The following BRWD1 variants were observed in gnomAD, a reference collection of about 807,000 sequenced individuals.
The protein encoded by BRWD1 is bromodomain and WD repeat-containing protein 1.
BRWD1 carries 82 observed loss-of-function variants against 251.2 expected under a neutral mutation model. The observed-to-expected ratio is 0.33, with a 90% CI of 0.27 to 0.39. The LOEUF is 0.39. Ranked by LOEUF, BRWD1 falls within the 10% of genes least tolerant of loss-of-function variation. The pLI, the probability that BRWD1 is intolerant of heterozygous loss-of-function variation, is 1.00. For synonymous variants in BRWD1, 918 were observed against 902.8 expected, an observed-to-expected ratio of 1.02 and a Z score of -0.30; for missense variants, 2,233 against 2,711.6, an observed-to-expected ratio of 0.82 and a Z score of 3.92.
intron 38 of BRWD1, 42 bp from the exon 39 acceptor site, chr21:39,200,428 T>C (rs777762729): frequency 1.3e-6 from 2 of 1,542,344 alleles, no homozygotes; most frequent in African/African-American, 2.7e-5. Context: ...TATTCTCCTG[T>C]CTTTACACAC....
chr21:39,291,310 A>AC (rs1402950962), intron 8 of BRWD1, among the ~76,000 whole-genome samples: 1 of 152,244 alleles, frequency 6.6e-6, no homozygotes, highest in Non-Finnish European at 1.5e-5. Context: ...ACCAGTTTTC[A>AC]CCAAATTCTA....
intron 4 of BRWD1, among the ~76,000 whole-genome samples, chr21:39,310,246 T>G (rs2036435878): frequency 6.6e-6 from 1 of 152,240 alleles, no homozygotes; most frequent in South Asian, 2.1e-4. Context: ...CCAGGCGCAG[T>G]GGCTCACGCC....
intron 39 of BRWD1, 128 bp from the exon 40 acceptor site, chr21:39,199,790 G>C: frequency 1.0e-6 from 1 of 992,686 alleles, no homozygotes; most frequent in South Asian, 1.8e-5. Flanking sequence ...CGCTCTTGTT[G>C]CCCAGGCTGG....
chr21:39,318,036 C>T (rs1016410954), upstream of BRWD1, among the ~76,000 whole-genome samples: 2 of 152,010 alleles, frequency 1.3e-5, no homozygotes, highest in Non-Finnish European at 2.9e-5. Flanking sequence ...GGCAACAGAG[C>T]GAGACCCTGT....
At position 39,229,862 on chromosome 21, in the gene BRWD1, T is replaced by C. The variant is rs577126633; in HGVS notation, c.3001-426A>G. ...AATCCTCCCACATCAGCTTCCCGAGTACCTGGGACTGACTACAGGTACAAC... is the reference window on the plus strand; with the variant it reads ...AATCCTCCCACATCAGCTTCCCGAGCACCTGGGACTGACTACAGGTACAAC... On this transcript the variant is annotated intron_variant, in intron 25 of 40. Coordinates refer to ENST00000342449, the MANE Select transcript of BRWD1 (RefSeq NM_033656.4). Among the ~76,000 whole-genome samples the C allele has an allele frequency of 9.9e-5, 15 of 152,202 alleles. No individual in the cohort carries two copies. In the South Asian group the frequency reaches 3.1e-3, roughly 32 times the overall value.
chr21:39,218,236 C>T lies in BRWD1; in HGVS notation c.3575G>A (p.Cys1192Tyr). ...AAAFAGPVDL[C>Y]TYPKYCTVVA... is the part of the protein sequence containing the mutation. ...TACAGTACAGTACTTCGGGTATGTA[C>T]ACAAATCAACAGGGCCTGCAAAAGC... The change falls in exon 31 of 41, where the codon TGT (cysteine) becomes TAT (tyrosine). Residue 1192 changes from cysteine to tyrosine, a missense_variant. By Grantham distance (194) the Cys-to-Tyr change is radical. Coordinates refer to ENST00000342449, the MANE Select transcript of BRWD1 (RefSeq NM_033656.4). 1 of 1,611,290 alleles carries T rather than the reference C, an allele frequency of 6.2e-7. No individual in the cohort carries two copies. The highest frequency in any genetic ancestry group is 8.5e-7 in the Non-Finnish European group (1 of 1,179,372).
chr21:39,261,004 C>G (rs974353694), intron 17 of BRWD1, among the ~76,000 whole-genome samples: 1 of 152,110 alleles, frequency 6.6e-6, no homozygotes, highest in Non-Finnish European at 1.5e-5. Context: ...GTGGGCGGAT[C>G]ACCTGAGGTC....
intron 21 of BRWD1, among the ~76,000 whole-genome samples, chr21:39,239,757 T>C: frequency 6.6e-6 from 1 of 152,188 alleles, no homozygotes; most frequent in Non-Finnish European, 1.5e-5. Context: ...AAAGAATTTT[T>C]TAACAAGGGT....
At position 39,218,286 on chromosome 21, in the gene BRWD1, C is replaced by G; in HGVS notation, c.3539-14G>C. ...CTGCTGCTATATCTGTTAGGGAAGA[C>G]AGGAGAGTTTTTAATCAATAAATCC... On this transcript the variant is annotated splice_polypyrimidine_tract_variant and intron_variant, in intron 30 of 40. Coordinates refer to ENST00000342449, the MANE Select transcript of BRWD1 (RefSeq NM_033656.4). The G allele has an allele frequency of 6.3e-7, 1 of 1,591,022 alleles. No individual in the cohort carries two copies. The highest frequency in any genetic ancestry group is 8.5e-7 in the Non-Finnish European group (1 of 1,173,702).
At chr21:39,215,106 G>C in intron 32 of BRWD1, 131 bp downstream of exon 32, 1 of 811,654 alleles carries the variant, frequency 1.2e-6, no homozygotes. Flanking sequence ...CTGACCGCAA[G>C]TGATCTGACG....
chr21:39,274,332 C>G (rs756664675), intron 13 of BRWD1, 42 bp downstream of exon 13: 2 of 1,433,014 alleles, frequency 1.4e-6, no homozygotes, highest in East Asian at 2.3e-5. Flanking sequence ...AGAGACAGAT[C>G]GAACACCTAT....
rs533275268 is a variant in BRWD1 at position 39,281,879 on chromosome 21, A to T, written c.832-1631T>A. ...CAAGACTCCTTCACCTACCAAAAAA[A>T]ATATATATATATATGTATGTATGTA... On this transcript the variant is annotated intron_variant, in intron 8 of 40. Transcript: ENST00000342449. Among the ~76,000 whole-genome samples the T allele has an allele frequency of 1.7e-3, 143 of 83,216 alleles. No homozygotes were observed. In the East Asian group the frequency reaches 0.019, roughly 11 times the overall value. 54.6% of individuals were successfully genotyped at this position (83,216 alleles called of 152,430 possible). A position where few individuals can be genotyped will look rare whatever the true frequency, so the allele number is the denominator to read the frequency against.
At chr21:39,275,739 AT>A (rs898351080) in intron 12 of BRWD1, among the ~76,000 whole-genome samples, 2 of 152,210 alleles carry the variant, frequency 1.3e-5, no homozygotes, top group Non-Finnish European at 2.9e-5. Context: ...TCAACTAAAA[AT>A]AAAAAATAAT....
chr21:39,308,904 G>A (rs537262125), intron 4 of BRWD1, among the ~76,000 whole-genome samples: 6 of 152,182 alleles, frequency 3.9e-5, no homozygotes, highest in South Asian at 4.2e-4. Flanking sequence ...GGCAGGATGC[G>A]GTGAGTCACA....
In BRWD1 at chr21:39,232,513, A is replaced by G. The variant is rs201124001; in HGVS notation, c.2767-15T>C. 2 of 1,580,578 alleles carry G rather than the reference A, an allele frequency of 1.3e-6. No individual in the cohort carries two copies. The highest frequency in any genetic ancestry group is 1.4e-5 in the African/African-American group (1 of 72,750). On this transcript the variant is annotated splice_polypyrimidine_tract_variant and intron_variant, in intron 23 of 40. Transcript: ENST00000342449. ...CTCCGCAAATTCTACCAAGGGGAAG[A>G]GAACAAAGTTTCTTAGATTAGAAAG...
At chr21:39,286,949 A>G (rs1251805884) in intron 8 of BRWD1, among the ~76,000 whole-genome samples, 1 of 152,184 alleles carries the variant, frequency 6.6e-6, no homozygotes, top group Non-Finnish European at 1.5e-5. Context: ...GCACCCATAC[A>G]CTGGTCATCA....
chr21:39,308,239 T>C (rs1466993462), intron 4 of BRWD1, among the ~76,000 whole-genome samples: 2 of 152,092 alleles, frequency 1.3e-5, no homozygotes, highest in Non-Finnish European at 2.9e-5. Flanking sequence ...CCCAGCACTT[T>C]GGGAGGCCAA....
chr21:39,216,709 T>G, intron 31 of BRWD1: 1 of 420,182 alleles, frequency 2.4e-6, no homozygotes, highest in Non-Finnish European at 4.7e-6. Context: ...ACCTGCTTTT[T>G]GGACTGTGTT....
intron 5 of BRWD1, chr21:39,297,936 G>C: frequency 2.0e-6 from 2 of 985,088 alleles, no homozygotes; most frequent in Non-Finnish European, 2.4e-6. Context: ...ACATAACTTG[G>C]CAAAAAAATT....
Sources: allele counts gnomAD v4.1 joint callset (sites outside exome capture counted in the v4.1 genomes callset), GRCh38; gene constraint gnomAD v4.1.1; transcripts MANE v1.5; gene names NCBI Gene and HGNC (gene_info 2026-07-23, HGNC 2026-07-21).